RNF180: variants seen among roughly 807,000 people sequenced by gnomAD.
The protein encoded by RNF180 is E3 ubiquitin-protein ligase RNF180.
Under a neutral mutation model 59.2 loss-of-function variants are expected in RNF180, and 38 were observed. That is an observed-to-expected ratio of 0.64 (90% CI 0.50 to 0.84). The LOEUF is 0.84. RNF180 is among the 40% of genes least tolerant of loss of function. RNF180 has a pLI of 0.00. For missense variants in RNF180, 705 were observed against 700.9 expected (o/e 1.01, Z -0.07); for synonymous variants, 262 against 240.3 (o/e 1.09, Z -0.84).
intron 7 of RNF180, among the ~76,000 whole-genome samples, chr5:64,347,848 GA>G (rs1745614618): frequency 6.6e-6 from 1 of 152,104 alleles, no homozygotes; most frequent in South Asian, 2.1e-4. Flanking sequence ...AAGTGTTGCA[GA>G]AAAACTTCAT....
At chr5:64,368,757 G>C (rs1427586609) in intron 7 of RNF180, among the ~76,000 whole-genome samples, 1 of 151,968 alleles carries the variant, frequency 6.6e-6, no homozygotes, top group Non-Finnish European at 1.5e-5. Context: ...AAACCACAAT[G>C]AGATACCATC....
At chr5:64,266,983 C>A (rs886650731) in intron 5 of RNF180, among the ~76,000 whole-genome samples, 1 of 152,070 alleles carries the variant, frequency 6.6e-6, no homozygotes, top group African/African-American at 2.4e-5. Context: ...TTCTACTTAG[C>A]ATATATTTTC....
At chr5:64,251,380 A>G (rs1743565498) in intron 5 of RNF180, among the ~76,000 whole-genome samples, 2 of 152,220 alleles carry the variant, frequency 1.3e-5, no homozygotes, top group Non-Finnish European at 2.9e-5. Flanking sequence ...AAGGAATTCA[A>G]ATTGTCCCTG....
intron 5 of RNF180, among the ~76,000 whole-genome samples, chr5:64,237,115 A>G (rs1483765709): frequency 6.6e-6 from 1 of 152,174 alleles, no homozygotes; most frequent in Non-Finnish European, 1.5e-5. Flanking sequence ...AGAATGCTAG[A>G]TCCACTGACA....
At chr5:64,258,077 C>T (rs1744091535) in intron 5 of RNF180, among the ~76,000 whole-genome samples, 1 of 152,094 alleles carries the variant, frequency 6.6e-6, no homozygotes. Flanking sequence ...CATGAGAGTC[C>T]TTACATGAAA....
intron 5 of RNF180, among the ~76,000 whole-genome samples, chr5:64,244,311 T>C (rs1288219277): frequency 6.6e-6 from 1 of 151,884 alleles, no homozygotes; most frequent in Non-Finnish European, 1.5e-5. Context: ...AAGGAGCATA[T>C]TCTAACCCAA....
At chr5:64,211,807 T>C (rs144677568) in intron 2 of RNF180, among the ~76,000 whole-genome samples, 75 of 152,328 alleles carry the variant, frequency 4.9e-4, no homozygotes, top group Non-Finnish European at 8.8e-4. Flanking sequence ...AACTGCTAAA[T>C]TGTAAATTTC....
intron 5 of RNF180, among the ~76,000 whole-genome samples, chr5:64,324,130 A>G (rs1744510299): frequency 1.3e-5 from 2 of 152,226 alleles, no homozygotes; most frequent in Non-Finnish European, 2.9e-5. Context: ...AGCATCACCA[A>G]ACTTCTAAAG....
chr5:64,349,760 C>T (rs1334482803), intron 7 of RNF180, among the ~76,000 whole-genome samples: 3 of 152,064 alleles, frequency 2.0e-5, no homozygotes, highest in African/African-American at 4.8e-5. Flanking sequence ...CTACAAAGGA[C>T]GTGAACTCAT....
chr5:64,216,450 C>T (rs931586557), intron 4 of RNF180, among the ~76,000 whole-genome samples: 6 of 151,946 alleles, frequency 3.9e-5, no homozygotes, highest in Non-Finnish European at 5.9e-5. Context: ...ATCAATCTTG[C>T]CCTTTTTAAA....
chr5:64,348,931 G>A (rs1745669118), intron 7 of RNF180, among the ~76,000 whole-genome samples: 1 of 152,038 alleles, frequency 6.6e-6, no homozygotes, highest in South Asian at 2.1e-4. Flanking sequence ...TACCTTGTCT[G>A]AGACATGATC....
rs541888936 is a variant in RNF180, at chr5:64,344,534, A to C, written c.1579+14128A>C. ...TATCTCAGGAACTGCTAGAAAAAAA[A>C]ACACACACAATGATGGTGTACAGGA... On this transcript the variant is annotated intron_variant, in intron 7 of 7. Transcript: ENST00000389100. Among the ~76,000 whole-genome samples, 12 of 130,176 alleles carry C rather than the reference A, an allele frequency of 9.2e-5. No homozygotes were observed. The East Asian group carries it at 2.2e-3, about 24-fold the overall frequency. 85.4% of individuals were successfully genotyped at this position (130,176 alleles called of 152,430 possible). A position where few individuals can be genotyped will look rare whatever the true frequency, so the allele number is the denominator to read the frequency against.
chr5:64,232,743 A>G (rs1018163968), intron 5 of RNF180, among the ~76,000 whole-genome samples: 7 of 152,270 alleles, frequency 4.6e-5, no homozygotes, highest in African/African-American at 1.7e-4. Flanking sequence ...GTAGTAACAA[A>G]AACAATAAAC....
chr5:64,276,973 C>T (rs1018845579), intron 5 of RNF180, among the ~76,000 whole-genome samples: 50 of 151,906 alleles, frequency 3.3e-4, no homozygotes, highest in African/African-American at 1.2e-3. Context: ...TGTTTTTCTC[C>T]CTTTTTAAAG....
At chr5:64,278,387 T>C (rs1002365545) in intron 5 of RNF180, among the ~76,000 whole-genome samples, 2 of 152,148 alleles carry the variant, frequency 1.3e-5, no homozygotes, top group Admixed American at 1.3e-4. Flanking sequence ...CAGCAAGCTC[T>C]TCCAGATTCT....
chr5:64,348,388 G>T (rs1024703952), intron 7 of RNF180, among the ~76,000 whole-genome samples: 40 of 152,114 alleles, frequency 2.6e-4, no homozygotes, highest in African/African-American at 8.4e-4. Flanking sequence ...ATTCTTTCAA[G>T]TTATTTTATT....
At chr5:64,360,377 A>C (rs1746202655) in intron 7 of RNF180, among the ~76,000 whole-genome samples, 1 of 151,824 alleles carries the variant, frequency 6.6e-6, no homozygotes, top group Non-Finnish European at 1.5e-5. Flanking sequence ...CTTCATGCTA[A>C]AAACTCTCAA....
chr5:64,228,628 C>T (rs931685286), intron 5 of RNF180, among the ~76,000 whole-genome samples: 1 of 152,146 alleles, frequency 6.6e-6, no homozygotes, highest in Non-Finnish European at 1.5e-5. Flanking sequence ...AGTATTATCA[C>T]AGATGTTATT....
chr5:64,364,866 G>A (rs574448864), intron 7 of RNF180, among the ~76,000 whole-genome samples: 98 of 151,580 alleles, frequency 6.5e-4, no homozygotes, highest in African/African-American at 2.0e-3. Context: ...ACAAGTGTCC[G>A]TAATATTCTC....
Sources: allele counts gnomAD v4.1 joint callset (sites outside exome capture counted in the v4.1 genomes callset), GRCh38; gene constraint gnomAD v4.1.1; transcripts MANE v1.5; gene names NCBI Gene and HGNC (gene_info 2026-07-23, HGNC 2026-07-21).